FGGY: variants seen among roughly 807,000 people sequenced by gnomAD.
The protein encoded by FGGY is FGGY carbohydrate kinase domain-containing protein.
FGGY carries 72 observed loss-of-function variants against 71.3 expected under a neutral mutation model. The observed-to-expected ratio is 1.01, with a 90% CI of 0.84 to 1.23. The LOEUF (loss-of-function observed/expected upper bound fraction) is 1.23, where lower values mean the gene tolerates loss of function less well. Ranked by LOEUF, FGGY falls within the 50% of genes most tolerant of loss-of-function variation. The probability of loss-of-function intolerance (pLI) is 0.00; values close to 1 mark genes in which losing one functional copy is unlikely to be tolerated. For missense variants in FGGY, 668 were observed against 682.3 expected (o/e 0.98, Z 0.23); for synonymous variants, 251 against 250.3 (o/e 1.00, Z -0.02).
intron 15 of FGGY, 28 bp downstream of exon 15, chr1:59,758,020 T>C (rs1446668402): frequency 6.5e-7 from 1 of 1,548,402 alleles, no homozygotes; most frequent in Admixed American, 1.7e-5. Context: ...ATATGTACAG[T>C]GCTAAGGAAG....
intron 6 of FGGY, among the ~76,000 whole-genome samples, chr1:59,473,269 G>A (rs997887210): frequency 1.3e-5 from 2 of 151,176 alleles, no homozygotes; most frequent in African/African-American, 4.9e-5. Context: ...AACTCCAGAC[G>A]CGCCGGCTTA....
chr1:59,518,287 C>A (rs1393166249), intron 7 of FGGY, among the ~76,000 whole-genome samples: 3 of 152,134 alleles, frequency 2.0e-5, no homozygotes, highest in African/African-American at 7.2e-5. Flanking sequence ...ACATTTCTCA[C>A]CATTATCAGT....
At chr1:59,612,901 G>A (rs981877695) in intron 9 of FGGY, among the ~76,000 whole-genome samples, 1 of 152,056 alleles carries the variant, frequency 6.6e-6, no homozygotes, top group Non-Finnish European at 1.5e-5. Flanking sequence ...AGACAAAGAA[G>A]GCCATTACAT....
intron 1 of FGGY, among the ~76,000 whole-genome samples, chr1:59,300,640 G>A (rs1339251899): frequency 6.6e-6 from 1 of 151,468 alleles, no homozygotes; most frequent in Non-Finnish European, 1.5e-5. Flanking sequence ...TTAAATCTGT[G>A]ATCATTTTAA....
chr1:59,532,938 C>A (rs1177286120), intron 7 of FGGY, among the ~76,000 whole-genome samples: 1 of 151,854 alleles, frequency 6.6e-6, no homozygotes, highest in Non-Finnish European at 1.5e-5. Context: ...AAAGTCAATA[C>A]AAAACTCTAT....
intron 15 of FGGY, among the ~76,000 whole-genome samples, chr1:59,760,741 G>A (rs1029168848): frequency 1.3e-5 from 2 of 152,206 alleles, no homozygotes; most frequent in Admixed American, 1.3e-4. Flanking sequence ...TAAGGCCAGT[G>A]CACAAAGTTG....
chr1:59,373,477 C>G (rs1165451986), intron 4 of FGGY, among the ~76,000 whole-genome samples: 1 of 152,160 alleles, frequency 6.6e-6, no homozygotes, highest in African/African-American at 2.4e-5. Context: ...AATGGCCATA[C>G]TGCCCAAGGT....
chr1:59,600,106 G>A (rs1349587191), intron 8 of FGGY, among the ~76,000 whole-genome samples: 1 of 152,178 alleles, frequency 6.6e-6, no homozygotes, highest in Non-Finnish European at 1.5e-5. Context: ...TCAGGGAAAC[G>A]AGTTTAATCC....
chr1:59,483,851 C>G (rs1390008423), intron 6 of FGGY, among the ~76,000 whole-genome samples: 2 of 151,876 alleles, frequency 1.3e-5, no homozygotes, highest in Non-Finnish European at 2.9e-5. Flanking sequence ...CTTCTCTACT[C>G]CCACCCCTTC....
chr1:59,545,826 T>G (rs1354524371), intron 7 of FGGY, among the ~76,000 whole-genome samples: 1 of 152,240 alleles, frequency 6.6e-6, no homozygotes, highest in African/African-American at 2.4e-5. Context: ...AACTGCAGTA[T>G]GCATGGTGCT....
chr1:59,605,688 C>G (rs952405586), intron 8 of FGGY, among the ~76,000 whole-genome samples: 4 of 152,062 alleles, frequency 2.6e-5, no homozygotes, highest in Admixed American at 1.3e-4. Context: ...TTCCTTCCCC[C>G]CCTTCCCATT....
At chr1:59,613,015 C>G (rs565465852) in intron 9 of FGGY, among the ~76,000 whole-genome samples, 4 of 152,270 alleles carry the variant, frequency 2.6e-5, no homozygotes, top group South Asian at 4.2e-4. Context: ...TAGAGAACTA[C>G]AAAGAGACTT....
intron 5 of FGGY, among the ~76,000 whole-genome samples, chr1:59,387,050 G>GTGTGTGGTTC (rs2060153609): frequency 6.6e-6 from 1 of 151,908 alleles, no homozygotes; most frequent in African/African-American, 2.4e-5. Flanking sequence ...CGTTTCTGAT[G>GTGTGTGGTTC]TGTGTGGTTC....
At chr1:59,568,527 G>A (rs879766658) in intron 8 of FGGY, among the ~76,000 whole-genome samples, 19 of 152,076 alleles carry the variant, frequency 1.2e-4, no homozygotes, top group Non-Finnish European at 2.4e-4. Flanking sequence ...CTGAAGCTTG[G>A]AGAGGTCACA....
chr1:59,556,976 A>T (rs2095697678), intron 8 of FGGY, among the ~76,000 whole-genome samples: 1 of 152,132 alleles, frequency 6.6e-6, no homozygotes, highest in Non-Finnish European at 1.5e-5. Flanking sequence ...TGGGAGTGGG[A>T]AGGGACCCTC....
chr1:59,725,546 T>A lies in FGGY; in HGVS notation c.1513-32385T>A, dbSNP rs559802668. 4.6e-5 allele frequency among the ~76,000 whole-genome samples: 7 copies of A among 152,236 alleles called. No homozygotes were observed. In the South Asian group the frequency reaches 1.4e-3, roughly 32 times the overall value. ...ATTCAATTTATTTATTTCATCAGAGTTTTGTAATTTTCCACATATAGATTC... is the reference window on the plus strand; with the variant it reads ...ATTCAATTTATTTATTTCATCAGAGATTTGTAATTTTCCACATATAGATTC... On this transcript the variant is annotated intron_variant, in intron 14 of 15. Transcript: ENST00000303721.
intron 4 of FGGY, among the ~76,000 whole-genome samples, chr1:59,354,618 ACAATGGT>A (rs1304319899): frequency 1.3e-5 from 2 of 152,194 alleles, no homozygotes; most frequent in Non-Finnish European, 2.9e-5. Flanking sequence ...GAGGCTGTGA[ACAATGGT>A]CAGTAGCTTC....
At chr1:59,725,548 T>G (rs2097936295) in intron 14 of FGGY, among the ~76,000 whole-genome samples, 1 of 152,202 alleles carries the variant, frequency 6.6e-6, no homozygotes, top group East Asian at 1.9e-4. Flanking sequence ...CATCAGAGTT[T>G]TGTAATTTTC....
intron 6 of FGGY, among the ~76,000 whole-genome samples, chr1:59,483,325 C>T (rs1164822939): frequency 6.6e-6 from 1 of 152,128 alleles, no homozygotes; most frequent in Non-Finnish European, 1.5e-5. Context: ...ACTGAGTATA[C>T]CCTTTGCAGA....
Sources: gnomAD v4.1 joint callset for allele counts (sites outside exome capture counted in the v4.1 genomes callset) on GRCh38, gnomAD v4.1.1 for gene constraint, MANE v1.5 for transcripts, NCBI Gene and HGNC (gene_info 2026-07-23, HGNC 2026-07-21) for gene names.